The following OPALIN variants were observed in gnomAD, a reference collection of about 807,000 sequenced individuals.
OPALIN encodes transmembrane protein 10.
In OPALIN, 15 loss-of-function variants were observed where a neutral mutation model predicts 17.8. That is an observed-to-expected ratio of 0.84 (90% CI 0.56 to 1.29). The LOEUF is 1.29. Ranked by LOEUF, OPALIN falls within the 50% of genes most tolerant of loss-of-function variation. The probability of loss-of-function intolerance (pLI) is 0.00; values close to 1 mark genes in which losing one functional copy is unlikely to be tolerated. For missense variants in OPALIN, 170 were observed against 176.0 expected (o/e 0.97, Z 0.19); for synonymous variants, 62 against 63.8 (o/e 0.97, Z 0.14).
intron 1 of OPALIN, among the ~76,000 whole-genome samples, chr10:96,356,056 T>C (rs1231650333): frequency 6.6e-6 from 1 of 152,206 alleles, no homozygotes; most frequent in Non-Finnish European, 1.5e-5. Flanking sequence ...CCTACCTAGA[T>C]TGGAATGATG....
intron 3 of OPALIN, 28 bp downstream of exon 3, chr10:96,351,350 A>T: frequency 7.4e-7 from 1 of 1,355,232 alleles, no homozygotes; most frequent in Non-Finnish European, 1.0e-6. Context: ...TATTATCCCC[A>T]TTTTATAAAT....
In OPALIN at chr10:96,344,816, T is replaced by G. The variant is rs1223867614; in HGVS notation, c.*1125A>C. 1 of 152,248 alleles carries G rather than the reference T, an allele frequency of 6.6e-6. No individual in the cohort carries two copies. Among genetic ancestry groups the G allele is most frequent in the Non-Finnish European group, 1.5e-5 (1 of 68,048 alleles). The allele number at this position is 152,248 out of a possible 1,614,324, so 9.4% of individuals were successfully genotyped here. A position where few individuals can be genotyped will look rare whatever the true frequency, so the allele number is the denominator to read the frequency against. The stretch of plus-strand genomic sequence containing the variant: ...CTGCCATCAGAGGTATCATAATGTC[T>G]TACTTTAAAAATTAAGCAAAATGTT... On this transcript the variant is annotated 3_prime_UTR_variant, in exon 6 of 6. Coordinates refer to ENST00000371172, the MANE Select transcript of OPALIN (RefSeq NM_033207.5).
chr10:96,358,522 A>G (rs1013812513), intron 1 of OPALIN, among the ~76,000 whole-genome samples: 1 of 152,192 alleles, frequency 6.6e-6, no homozygotes, highest in Admixed American at 6.5e-5. Flanking sequence ...ACAAGTAAAC[A>G]AGAAAGATGG....
chr10:96,349,685 A>T (rs72829508), intron 4 of OPALIN, 22 bp downstream of exon 4: 47,908 of 1,609,582 alleles, frequency 0.03, 798 homozygotes, highest in Non-Finnish European at 0.033. Context: ...ATACATCTGG[A>T]CCCAAAGAAG....
chr10:96,349,867 A>T, intron 3 of OPALIN, 41 bp from the exon 4 acceptor site: 1 of 1,548,418 alleles, frequency 6.5e-7, no homozygotes, highest in African/African-American at 1.4e-5. Context: ...GGAAGCCCAG[A>T]GTCTTCAATA....
intron 1 of OPALIN, chr10:96,357,286 G>T: frequency 3.1e-6 from 1 of 320,536 alleles, no homozygotes; most frequent in African/African-American, 2.2e-5. Context: ...GCCATTGCAT[G>T]TGTTGTTTAT....
chr10:96,351,899 CTGGTCCACTGAGTTAT>C (rs1283265988), intron 2 of OPALIN, among the ~76,000 whole-genome samples: 4 of 152,208 alleles, frequency 2.6e-5, no homozygotes, highest in African/African-American at 4.8e-5. Flanking sequence ...TTACATGTTT[CTGGTCCACTGAGTTAT>C]TGGTCCAATG....
In OPALIN at chr10:96,358,952, T is replaced by C; in HGVS notation, c.-56A>G. The C allele has an allele frequency of 6.3e-7, 1 of 1,595,312 alleles. No individual in the cohort carries two copies. Among genetic ancestry groups the C allele is most frequent in the Non-Finnish European group, 8.6e-7 (1 of 1,162,950 alleles). ...ACACTGCCTTTGGTAAGCTCCTTTC[T>C]CACTGGCTTTATTGGCTTGTGTCTT... On this transcript the variant is annotated 5_prime_UTR_variant, in exon 1 of 6. Transcript: ENST00000371172.
intron 2 of OPALIN, 49 bp from the exon 3 acceptor site, chr10:96,351,459 A>C: frequency 1.7e-6 from 2 of 1,202,860 alleles, no homozygotes. Flanking sequence ...AGTCTATAGA[A>C]TATACATTAT....
intron 1 of OPALIN, among the ~76,000 whole-genome samples, chr10:96,356,542 A>G (rs1467883872): frequency 6.6e-6 from 1 of 152,344 alleles, no homozygotes; most frequent in African/African-American, 2.4e-5. Context: ...GCCGCAGTCT[A>G]TGTGACTCAA....
rs180681737 is a variant in OPALIN at position 96,343,792 on chromosome 10, G to C, written c.*2149C>G. On this transcript the variant is annotated 3_prime_UTR_variant, in exon 6 of 6. Coordinates refer to ENST00000371172, the MANE Select transcript of OPALIN (RefSeq NM_033207.5). Reference sequence around the variant, plus strand: ...GGCAGAGATTGGGTTCATAGAACATGTTCTTGGTTATTCAGGGAAGAGGGG... The same window carrying C: ...GGCAGAGATTGGGTTCATAGAACATCTTCTTGGTTATTCAGGGAAGAGGGG... 3.9e-5 allele frequency: 6 copies of C among 152,350 alleles called. No individual in the cohort carries two copies. The highest frequency in any genetic ancestry group is 9.6e-5 in the African/African-American group (4 of 41,582). The allele number at this position is 152,350 out of a possible 1,614,324, so 9.4% of individuals were successfully genotyped here.
At chr10:96,353,557 A>C in intron 2 of OPALIN, 1 of 830,216 alleles carries the variant, frequency 1.2e-6, no homozygotes, top group Non-Finnish European at 2.1e-6. Flanking sequence ...GTGAAGAGAC[A>C]GTTCTCAGAG....
At position 96,349,753 on chromosome 10, in the gene OPALIN, A is replaced by C; in HGVS notation, c.146T>G (p.Leu49Arg). The C allele has an allele frequency of 6.2e-7, 1 of 1,614,092 alleles. No individual in the cohort carries two copies. Among genetic ancestry groups the C allele is most frequent in the Non-Finnish European group, 8.5e-7 (1 of 1,179,942 alleles). Residue 49 changes from leucine (L) to arginine (R), a missense_variant, in exon 4 of 6, where the codon CTA becomes CGA. By Grantham distance (102) the Leu-to-Arg change is moderately radical. Transcript: ENST00000371172. ...TCTTCTTCGGTGAATCAAAGTAAAT[A>C]GTAAAGCCACCAGCAGGGCTGTGGC... ...LVATALLVAL[L>R]FTLIHRRRSS...
chr10:96,353,797 A>C (rs1037315764), intron 2 of OPALIN, among the ~76,000 whole-genome samples: 3 of 152,176 alleles, frequency 2.0e-5, no homozygotes, highest in African/African-American at 7.2e-5. Context: ...TTTGACAGGA[A>C]AAAGAGGAAG....
At position 96,345,740 on chromosome 10, in the gene OPALIN, AAAGC is replaced by A. The variant is rs1183076324; in HGVS notation, c.*197_*200del. The A allele has an allele frequency of 1.8e-6, 1 of 540,928 alleles. No individual in the cohort carries two copies. Among genetic ancestry groups the A allele is most frequent in the Non-Finnish European group, 3.3e-6 (1 of 306,994 alleles). The allele number at this position is 540,928 out of a possible 1,614,324, so 33.5% of individuals were successfully genotyped here. On this transcript the variant is annotated 3_prime_UTR_variant, in exon 6 of 6. Coordinates refer to ENST00000371172, the MANE Select transcript of OPALIN (RefSeq NM_033207.5). Reference sequence around the variant, plus strand: ...ATCTGGTGAGTCACATGTACTAACTAAAGCACAAGATCTGAGAGTTGGAATTAAC... The same window carrying A: ...ATCTGGTGAGTCACATGTACTAACTAACAAGATCTGAGAGTTGGAATTAAC...
At chr10:96,358,723 C>T (rs1845906456) in intron 1 of OPALIN, among the ~76,000 whole-genome samples, 171 bp downstream of exon 1, 1 of 152,188 alleles carries the variant, frequency 6.6e-6, no homozygotes, top group Non-Finnish European at 1.5e-5. Flanking sequence ...AAATGAAAGA[C>T]AAGATCAGCA....
intron 1 of OPALIN, 120 bp downstream of exon 1, chr10:96,358,774 A>T (rs1210787746): frequency 9.9e-7 from 1 of 1,012,254 alleles, no homozygotes; most frequent in Non-Finnish European, 1.6e-6. Context: ...GGTATTTTGC[A>T]TATAGGAAAA....
At chr10:96,355,165 T>TGAG (rs1334140697) in intron 2 of OPALIN, 90 bp downstream of exon 2, 4 of 750,566 alleles carry the variant, frequency 5.3e-6, no homozygotes, top group Non-Finnish European at 9.1e-6. Flanking sequence ...TCACCGTGTG[T>TGAG]GAGGGGTTTA....
At chr10:96,352,539 A>T (rs536130260) in intron 2 of OPALIN, among the ~76,000 whole-genome samples, 1 of 152,002 alleles carries the variant, frequency 6.6e-6, no homozygotes, top group East Asian at 1.9e-4. Context: ...ACCTAATCAC[A>T]ATCTCCCCAA....
Sources: gnomAD v4.1 joint callset for allele counts (sites outside exome capture counted in the v4.1 genomes callset) on GRCh38, gnomAD v4.1.1 for gene constraint, MANE v1.5 for transcripts, NCBI Gene and HGNC (gene_info 2026-07-23, HGNC 2026-07-21) for gene names.